CACNB2: variants seen among roughly 807,000 people sequenced by gnomAD.
CACNB2 encodes the protein voltage-dependent L-type calcium channel subunit beta-2.
A neutral mutation model predicts 73.3 loss-of-function variants in CACNB2; 42 were observed. That is an observed-to-expected ratio of 0.57 (90% CI 0.45 to 0.74). The LOEUF (loss-of-function observed/expected upper bound fraction) is 0.74. Ranked by LOEUF, CACNB2 falls within the 30% of genes least tolerant of loss-of-function variation. The pLI is 0.00. For synonymous variants in CACNB2, 348 were observed against 310.3 expected, an observed-to-expected ratio of 1.12 and a Z score of -1.28; for missense variants, 940 against 853.0, an observed-to-expected ratio of 1.10 and a Z score of -1.27.
In CACNB2 at chr10:18,271,547, T is replaced by C. The variant is rs1003139384; in HGVS notation, c.213+120572T>C. Among the ~76,000 whole-genome samples the C allele has an allele frequency of 9.7e-4, 148 of 152,308 alleles. 1 individual carries two copies. The highest frequency in any genetic ancestry group is 3.3e-3 in the African/African-American group (139 of 41,574). ...TGAGTTAAGGGCTTTAATGGCTATA[T>C]GTATGGAAACCTTCCCTAACATCTT... On this transcript the variant is annotated intron_variant, in intron 2 of 13. Coordinates refer to ENST00000324631, the MANE Select transcript of CACNB2 (RefSeq NM_201596.3).
intron 2 of CACNB2, among the ~76,000 whole-genome samples, chr10:18,214,562 G>A (rs2035436606): frequency 3.5e-5 from 1 of 28,876 alleles, no homozygotes; most frequent in Admixed American, 5.6e-4. Flanking sequence ...AGGAGGCAGA[G>A]CTTGCAGTGA....
intron 2 of CACNB2, among the ~76,000 whole-genome samples, chr10:18,243,545 G>A (rs1380606800): frequency 6.6e-6 from 1 of 152,160 alleles, no homozygotes. Context: ...GGTAACGTTG[G>A]GAGCTGGGGC....
At chr10:18,241,529 C>G (rs1403646296) in intron 2 of CACNB2, among the ~76,000 whole-genome samples, 1 of 151,316 alleles carries the variant, frequency 6.6e-6, no homozygotes, top group Non-Finnish European at 1.5e-5. Flanking sequence ...CATATGTATA[C>G]CTATGTAAGA....
chr10:18,403,441 C>T (rs1003688826), intron 3 of CACNB2, among the ~76,000 whole-genome samples: 2 of 152,154 alleles, frequency 1.3e-5, no homozygotes, highest in Admixed American at 1.3e-4. Flanking sequence ...AGTTTGTATT[C>T]CGAAAATAAG....
chr10:18,393,014 G>T (rs1355196163), intron 2 of CACNB2, among the ~76,000 whole-genome samples: 2 of 152,094 alleles, frequency 1.3e-5, no homozygotes, highest in African/African-American at 4.8e-5. Context: ...TTCAAGACCA[G>T]CCTGACCAAC....
At chr10:18,226,913 T>A (rs963888628) in intron 2 of CACNB2, among the ~76,000 whole-genome samples, 4 of 151,994 alleles carry the variant, frequency 2.6e-5, no homozygotes, top group Non-Finnish European at 4.4e-5. Flanking sequence ...CTATCCAGCC[T>A]GGGAATATGG....
chr10:18,212,678 G>T (rs1247103206), intron 2 of CACNB2, among the ~76,000 whole-genome samples: 1 of 152,072 alleles, frequency 6.6e-6, no homozygotes, highest in Non-Finnish European at 1.5e-5. Context: ...AATTATTCCA[G>T]GGTCGTTTAT....
intron 2 of CACNB2, among the ~76,000 whole-genome samples, chr10:18,321,352 A>C (rs1393752994): frequency 6.6e-6 from 1 of 152,218 alleles, no homozygotes; most frequent in Non-Finnish European, 1.5e-5. Context: ...GTATTTGAGA[A>C]TACCACAGTA....
At chr10:18,302,637 GT>G (rs1184864333) in intron 2 of CACNB2, among the ~76,000 whole-genome samples, 1 of 152,176 alleles carries the variant, frequency 6.6e-6, no homozygotes, top group Non-Finnish European at 1.5e-5. Context: ...TCAACCGTAA[GT>G]GGCAGCTAAG....
intron 2 of CACNB2, among the ~76,000 whole-genome samples, chr10:18,373,713 A>C (rs755177532): frequency 2.0e-5 from 3 of 152,162 alleles, no homozygotes; most frequent in African/African-American, 4.8e-5. Context: ...CAGATTTTTC[A>C]TTAGTATTTT....
chr10:18,242,755 C>T (rs1221980044), intron 2 of CACNB2, among the ~76,000 whole-genome samples: 2 of 150,958 alleles, frequency 1.3e-5, no homozygotes, highest in African/African-American at 4.9e-5. Context: ...GAGGCTGAGG[C>T]AGGTGGATCA....
chr10:18,530,581 G>A (rs79054402), intron 10 of CACNB2, among the ~76,000 whole-genome samples: 3 of 150,332 alleles, frequency 2.0e-5, no homozygotes, highest in Non-Finnish European at 2.9e-5. Flanking sequence ...TTATAATAAA[G>A]TGTAGAGTAT....
At chr10:18,192,970 T>C (rs916867964) in intron 2 of CACNB2, among the ~76,000 whole-genome samples, 1 of 152,240 alleles carries the variant, frequency 6.6e-6, no homozygotes, top group Non-Finnish European at 1.5e-5. Context: ...CTGTACTTGT[T>C]TGAGTCCCTG....
chr10:18,169,206 ATAAGT>A (rs1442151163), intron 2 of CACNB2, among the ~76,000 whole-genome samples: 14 of 151,990 alleles, frequency 9.2e-5, no homozygotes, highest in African/African-American at 3.4e-4. Context: ...TTTAAAAAAA[ATAAGT>A]TTAATTTAAA....
chr10:18,524,212 T>TTTTTTTTG (rs1016731645), intron 9 of CACNB2, among the ~76,000 whole-genome samples: 1 of 151,966 alleles, frequency 6.6e-6, no homozygotes, highest in Non-Finnish European at 1.5e-5. Context: ...TCACGGTTTT[T>TTTTTTTTG]TTTTTTTGTT....
At position 18,371,438 on chromosome 10, in the gene CACNB2, A is replaced by G. The variant is rs543188571; in HGVS notation, c.214-30486A>G. Among the ~76,000 whole-genome samples the G allele has an allele frequency of 3.9e-4, 59 of 151,996 alleles. 1 individual carries two copies. In the South Asian group the frequency reaches 9.4e-3, roughly 24 times the overall value. The stretch of plus-strand genomic sequence containing the variant: ...TGTTCTCATTGTTCAATTCCCACCT[A>G]TGAGTGAGAACATGTGGTGTTTGGT... On this transcript the variant is annotated intron_variant, in intron 2 of 13. Transcript: ENST00000324631.
At chr10:18,275,520 A>G (rs1239659517) in intron 2 of CACNB2, among the ~76,000 whole-genome samples, 1 of 152,174 alleles carries the variant, frequency 6.6e-6, no homozygotes, top group South Asian at 2.1e-4. Flanking sequence ...TACCTAGGTG[A>G]TGGGATGATC....
chr10:18,257,932 CGAGGTTTCGT>C (rs2037353381), intron 2 of CACNB2, among the ~76,000 whole-genome samples: 1 of 152,002 alleles, frequency 6.6e-6, no homozygotes, highest in Non-Finnish European at 1.5e-5. Flanking sequence ...TTAGTAGAGA[CGAGGTTTCGT>C]CATGTTGGTC....
chr10:18,421,890 TGAG>T (rs1286325826), intron 3 of CACNB2, among the ~76,000 whole-genome samples: 6 of 152,236 alleles, frequency 3.9e-5, no homozygotes, highest in African/African-American at 9.6e-5. Context: ...CTCAGATACT[TGAG>T]GAGATCACCA....
Sources: gnomAD v4.1 joint callset for allele counts (sites outside exome capture counted in the v4.1 genomes callset) on GRCh38, gnomAD v4.1.1 for gene constraint, MANE v1.5 for transcripts, NCBI Gene and HGNC (gene_info 2026-07-23, HGNC 2026-07-21) for gene names.